NAA16: variants seen among roughly 807,000 people sequenced by gnomAD.
NAA16 encodes NARG1-like protein.
NAA16 carries 97 observed loss-of-function variants against 110.3 expected under a neutral mutation model. The ratio of observed to expected loss-of-function variants is 0.88; its 90% CI spans 0.75 to 1.04. NAA16 has a LOEUF of 1.04. Among genes scored for constraint, NAA16 ranks in the 50% least tolerant of loss-of-function variants. The pLI, the probability that NAA16 is intolerant of heterozygous loss-of-function variation, is 0.00. For missense variants in NAA16, 1,017 were observed against 1,005.1 expected (o/e 1.01, Z -0.16); for synonymous variants, 372 against 330.6 (o/e 1.13, Z -1.36).
At chr13:41,336,514 A>G (rs369624306) in intron 8 of NAA16, 136 bp from the exon 9 acceptor site, 2 of 559,174 alleles carry the variant, frequency 3.6e-6, no homozygotes, top group South Asian at 2.5e-5. Context: ...ACTTTTACTT[A>G]AAACTATGAC....
intron 8 of NAA16, among the ~76,000 whole-genome samples, chr13:41,336,053 G>A (rs2042373137): frequency 6.6e-6 from 1 of 151,936 alleles, no homozygotes; most frequent in Admixed American, 6.6e-5. Context: ...TGCAAATAGG[G>A]TATTTATTTA....
chr13:41,323,420 G>A (rs932622192), intron 5 of NAA16, among the ~76,000 whole-genome samples: 1 of 149,492 alleles, frequency 6.7e-6, no homozygotes, highest in African/African-American at 2.5e-5. Flanking sequence ...GCACGATCTC[G>A]GCTTGCTGCA....
Position 41,330,480 on chromosome 13 carries a change from T to C in NAA16, c.812-794T>C, listed in dbSNP as rs558105180. ...TTGGATTAAAATCTACTTAAAACTT[T>C]ATAGTTCAAAAACAGGTTTGTTTGC... is the stretch of plus-strand genomic sequence containing the variant. On this transcript the variant is annotated intron_variant, in intron 7 of 19. Coordinates refer to ENST00000379406, the MANE Select transcript of NAA16 (RefSeq NM_024561.5). Among the ~76,000 whole-genome samples, 35 of 152,152 alleles carry C rather than the reference T, an allele frequency of 2.3e-4. No individual in the cohort carries two copies. In the South Asian group the frequency reaches 6.6e-3, roughly 29 times the overall value.
intron 6 of NAA16, among the ~76,000 whole-genome samples, chr13:41,327,478 G>A (rs1166185052): frequency 6.6e-6 from 1 of 151,200 alleles, no homozygotes; most frequent in Non-Finnish European, 1.5e-5. Flanking sequence ...AACAAATAGG[G>A]AATGCAGTTA....
chr13:41,330,379 T>C (rs918511579), intron 7 of NAA16, among the ~76,000 whole-genome samples: 1 of 152,032 alleles, frequency 6.6e-6, no homozygotes, highest in Admixed American at 6.6e-5. Context: ...CTACATTTAC[T>C]ACAGAGATAC....
At chr13:41,361,273 T>A (rs1274974968) in intron 12 of NAA16, among the ~76,000 whole-genome samples, 1 of 152,168 alleles carries the variant, frequency 6.6e-6, no homozygotes, top group Non-Finnish European at 1.5e-5. Context: ...AGAAGAGTTG[T>A]CATGAAACAG....
At chr13:41,349,104 T>G (rs1230627697) in intron 9 of NAA16, among the ~76,000 whole-genome samples, 3 of 151,812 alleles carry the variant, frequency 2.0e-5, no homozygotes, top group Non-Finnish European at 4.4e-5. Context: ...CCTCCTCTAT[T>G]TCATTAATTT....
chr13:41,358,566 C>A, intron 11 of NAA16, 93 bp downstream of exon 11: 1 of 1,525,242 alleles, frequency 6.6e-7, no homozygotes, highest in Non-Finnish European at 8.8e-7. Flanking sequence ...AGTTCTAGGG[C>A]ACCCTGATAA....
At chr13:41,339,633 C>T (rs1014034850) in intron 9 of NAA16, among the ~76,000 whole-genome samples, 1 of 152,100 alleles carries the variant, frequency 6.6e-6, no homozygotes, top group Non-Finnish European at 1.5e-5. Context: ...TCTCGGCTCA[C>T]TGCAACCTCC....
At chr13:41,325,021 C>G (rs1326382568) in intron 5 of NAA16, among the ~76,000 whole-genome samples, 1 of 142,668 alleles carries the variant, frequency 7.0e-6, no homozygotes, top group East Asian at 2.2e-4. Context: ...TGCAGTGGCG[C>G]AATCTTAGCT....
intron 7 of NAA16, among the ~76,000 whole-genome samples, chr13:41,330,314 G>A (rs1177606547): frequency 2.0e-5 from 3 of 152,000 alleles, no homozygotes; most frequent in East Asian, 1.9e-4. Context: ...CTCTTCAAAT[G>A]TGGTGTTTAC....
intron 9 of NAA16, among the ~76,000 whole-genome samples, chr13:41,338,509 G>T (rs181710728): frequency 6.6e-6 from 1 of 152,096 alleles, no homozygotes; most frequent in Non-Finnish European, 1.5e-5. Context: ...GCAAGCAACA[G>T]GAATGCTATA....
At chr13:41,322,474 G>A (rs886437700) in intron 4 of NAA16, among the ~76,000 whole-genome samples, 4 of 152,174 alleles carry the variant, frequency 2.6e-5, no homozygotes, top group Admixed American at 6.5e-5. Context: ...TAGAGGATAG[G>A]TTGTGGGATG....
At chr13:41,370,501 A>G (rs1470101773) in intron 15 of NAA16, among the ~76,000 whole-genome samples, 1 of 152,210 alleles carries the variant, frequency 6.6e-6, no homozygotes, top group Non-Finnish European at 1.5e-5. Flanking sequence ...TTTTATCTAT[A>G]AAGCTACTAA....
chr13:41,355,445 T>G (rs1593502262), intron 10 of NAA16, among the ~76,000 whole-genome samples: 2 of 152,188 alleles, frequency 1.3e-5, no homozygotes, highest in East Asian at 3.9e-4. Flanking sequence ...TTGTTTGTTT[T>G]TTGAGACGGA....
chr13:41,349,102 A>G (rs1351580065), intron 9 of NAA16, among the ~76,000 whole-genome samples: 1 of 151,230 alleles, frequency 6.6e-6, no homozygotes, highest in African/African-American at 2.4e-5. Flanking sequence ...TTCCTCCTCT[A>G]TTTCATTAAT....
rs551614704 is a variant in NAA16, at chr13:41,339,313, A to G, written c.1014+2557A>G. ...TGCCACCACGCCCGGCTAATTTTGT[A>G]TTTTTAGTAAAGACGAGGTTTCTCC... On this transcript the variant is annotated intron_variant, in intron 9 of 19. Transcript: ENST00000379406. Among the ~76,000 whole-genome samples the G allele has an allele frequency of 2.0e-5, 3 of 151,610 alleles. No homozygotes were observed. The South Asian group carries it at 6.3e-4, about 32-fold the overall frequency.
At chr13:41,313,400 C>A (rs956837804) in intron 1 of NAA16, among the ~76,000 whole-genome samples, 2 of 152,102 alleles carry the variant, frequency 1.3e-5, no homozygotes, top group Non-Finnish European at 2.9e-5. Context: ...ATGTTTCTGA[C>A]AAGGTTGCGT....
chr13:41,337,351 G>A (rs2139432109), intron 9 of NAA16, among the ~76,000 whole-genome samples: 1 of 152,126 alleles, frequency 6.6e-6, no homozygotes, highest in South Asian at 2.1e-4. Context: ...AGACTATCCT[G>A]GCGAACACGG....
Sources: allele counts gnomAD v4.1 joint callset (sites outside exome capture counted in the v4.1 genomes callset), GRCh38; gene constraint gnomAD v4.1.1; transcripts MANE v1.5; gene names NCBI Gene and HGNC (gene_info 2026-07-23, HGNC 2026-07-21).